LCP1: variants seen among roughly 807,000 people sequenced by gnomAD.
LCP1 encodes plastin-2.
In LCP1, 23 loss-of-function variants were observed where a neutral mutation model predicts 72.0. The observed-to-expected ratio is 0.32, with a 90% CI of 0.23 to 0.45. The LOEUF (loss-of-function observed/expected upper bound fraction) is 0.45. LCP1 is among the 20% of genes least tolerant of loss of function. The pLI, the probability that LCP1 is intolerant of heterozygous loss-of-function variation, is 1.00. For missense variants in LCP1, 571 were observed against 748.3 expected, an observed-to-expected ratio of 0.76 and a Z score of 2.76; for synonymous variants, 245 against 275.4, an observed-to-expected ratio of 0.89 and a Z score of 1.09.
At chr13:46,143,796 G>A (rs762255109) in intron 11 of LCP1, among the ~76,000 whole-genome samples, 1 of 152,254 alleles carries the variant, frequency 6.6e-6, no homozygotes, top group Non-Finnish European at 1.5e-5. Flanking sequence ...AACGGGCGCA[G>A]TGGCTCACGC....
intron 1 of LCP1, among the ~76,000 whole-genome samples, chr13:46,176,161 G>A (rs1469272802): frequency 6.6e-6 from 1 of 152,146 alleles, no homozygotes; most frequent in Non-Finnish European, 1.5e-5. Flanking sequence ...GATAACTATA[G>A]TTAACAGTAC....
At chr13:46,128,630 AT>A (rs1469474322) in intron 15 of LCP1, among the ~76,000 whole-genome samples, 1 of 151,988 alleles carries the variant, frequency 6.6e-6, no homozygotes, top group Admixed American at 6.6e-5. Context: ...TTACACATCA[AT>A]TTTTTTATTC....
chr13:46,174,879 A>C (rs1369120932), intron 1 of LCP1, among the ~76,000 whole-genome samples: 2 of 152,084 alleles, frequency 1.3e-5, no homozygotes. Flanking sequence ...GTGGAATTAC[A>C]AATAATCATT....
chr13:46,157,099 T>C (rs530622279), intron 4 of LCP1, among the ~76,000 whole-genome samples: 3 of 152,006 alleles, frequency 2.0e-5, no homozygotes, highest in South Asian at 4.2e-4. Flanking sequence ...GGATTGCAGG[T>C]GTGAGCCACC....
chr13:46,153,152 G>A (rs1400288210), intron 6 of LCP1: 1 of 465,850 alleles, frequency 2.1e-6, no homozygotes, highest in East Asian at 4.0e-5. Flanking sequence ...TCATGCAGTG[G>A]TCCATTCAAT....
At chr13:46,148,499 C>T (rs771894579) in intron 8 of LCP1, 52 bp from the exon 9 acceptor site, 2 of 1,071,650 alleles carry the variant, frequency 1.9e-6, no homozygotes, top group Non-Finnish European at 2.8e-6. Context: ...TAATTACATA[C>T]TTAGCATAAC....
At chr13:46,168,162 T>C (rs2045886685) in intron 1 of LCP1, among the ~76,000 whole-genome samples, 2 of 152,218 alleles carry the variant, frequency 1.3e-5, no homozygotes, top group Non-Finnish European at 2.9e-5. Flanking sequence ...AGACCTAGGC[T>C]GTGTAACTTT....
intron 7 of LCP1, 90 bp downstream of exon 7, chr13:46,152,690 T>G: frequency 7.4e-7 from 1 of 1,353,690 alleles, no homozygotes; most frequent in Non-Finnish European, 1.0e-6. Context: ...TTTCAAAACT[T>G]GAGAATTTCT....
rs1213995379 is a variant in LCP1 at position 46,156,604 on chromosome 13, A to G, written c.359-34T>C. ...AAATGATTAAAGTGACTCATTTGCA[A>G]AGTGAAACTCTATTATAAACAAAAT... On this transcript the variant is annotated intron_variant, in intron 4 of 15. Transcript: ENST00000323076. 3 of 1,613,266 alleles carry G rather than the reference A, an allele frequency of 1.9e-6. No individual in the cohort carries two copies. In the South Asian group the frequency reaches 3.3e-5, roughly 18 times the overall value.
intron 12 of LCP1, 73 bp downstream of exon 12, chr13:46,143,217 T>A: frequency 1.0e-6 from 1 of 982,576 alleles, no homozygotes; most frequent in Non-Finnish European, 1.6e-6. Context: ...GGCTGCCTTA[T>A]AAAGTATTTA....
intron 15 of LCP1, among the ~76,000 whole-genome samples, chr13:46,128,327 G>A (rs71431400): frequency 0.066 from 10,112 of 152,288 alleles, 468 homozygotes; most frequent in Non-Finnish European, 0.1. Flanking sequence ...GGCCAGGCGC[G>A]GTGGCTCACG....
At chr13:46,159,049 G>A (rs1193368352) in intron 2 of LCP1, 60 bp from the exon 3 acceptor site, 2 of 1,524,894 alleles carry the variant, frequency 1.3e-6, no homozygotes, top group African/African-American at 1.4e-5. Flanking sequence ...TTTTAGAGAG[G>A]TGAGGGAAGA....
intron 1 of LCP1, among the ~76,000 whole-genome samples, chr13:46,163,734 T>C (rs2045860815): frequency 6.6e-6 from 1 of 152,170 alleles, no homozygotes; most frequent in South Asian, 2.1e-4. Context: ...TGTCCAGTCA[T>C]TCTAGTAGAA....
chr13:46,144,371 T>C, intron 11 of LCP1, 71 bp downstream of exon 11: 2 of 1,143,202 alleles, frequency 1.7e-6, no homozygotes, highest in African/African-American at 1.5e-5. Context: ...CACATCATAG[T>C]GGTATTTGGA....
At chr13:46,163,245 G>T (rs534650783) in intron 1 of LCP1, among the ~76,000 whole-genome samples, 1 of 152,392 alleles carries the variant, frequency 6.6e-6, no homozygotes, top group African/African-American at 2.4e-5. Flanking sequence ...TGCTGTGTCT[G>T]TGTAGAAAGA....
At chr13:46,133,663 A>C (rs1276985977) in intron 14 of LCP1, among the ~76,000 whole-genome samples, 1 of 151,852 alleles carries the variant, frequency 6.6e-6, no homozygotes, top group Non-Finnish European at 1.5e-5. Context: ...AATAATAAAA[A>C]ATATTAAAAA....
intron 2 of LCP1, 96 bp from the exon 3 acceptor site, chr13:46,159,085 G>C: frequency 8.9e-7 from 1 of 1,125,910 alleles, no homozygotes; most frequent in Non-Finnish European, 1.3e-6. Flanking sequence ...AGGGACGAGA[G>C]AGGCTATCAT....
At chr13:46,181,203 T>C (rs2045953925) in intron 1 of LCP1, among the ~76,000 whole-genome samples, 1 of 152,234 alleles carries the variant, frequency 6.6e-6, no homozygotes, top group Non-Finnish European at 1.5e-5. Flanking sequence ...TCCTGATTAA[T>C]GTTCGCATTT....
intron 9 of LCP1, 114 bp from the exon 10 acceptor site, chr13:46,147,217 G>A (rs761169695): frequency 2.2e-5 from 20 of 908,508 alleles, no homozygotes; most frequent in Non-Finnish European, 3.2e-5. Context: ...TTTATCTCAG[G>A]CAGACACTTA....
Sources: allele counts gnomAD v4.1 joint callset (sites outside exome capture counted in the v4.1 genomes callset), GRCh38; gene constraint gnomAD v4.1.1; transcripts MANE v1.5; gene names NCBI Gene and HGNC (gene_info 2026-07-23, HGNC 2026-07-21).